The following ASMT variants were observed in gnomAD, a reference collection of about 807,000 sequenced individuals.
ASMT encodes acetylserotonin O-methyltransferase, also known as acetylserotonin N-methyltransferase.
ASMT carries 53 observed loss-of-function variants against 41.3 expected under a neutral mutation model. The observed-to-expected ratio is 1.28, with a 90% CI of 1.03 to 1.61. ASMT has a LOEUF of 1.61. ASMT is among the 40% of genes most tolerant of loss of function. The pLI, the probability that ASMT is intolerant of heterozygous loss-of-function variation, is 0.00. For missense variants in ASMT, 531 were observed against 441.3 expected (o/e 1.20, Z -1.82); for synonymous variants, 231 against 184.8 (o/e 1.25, Z -2.03).
Position 1,622,706 on chromosome X carries a change from G to C in ASMT, c.70-433G>C, listed in dbSNP as rs1387528826. ...AGGCTGGCAGATCACGAGGTCAGAA[G>C]TTCGAGACCAGCCTGGCCAACATGG... On this transcript the variant is annotated intron_variant, in intron 1 of 8. Coordinates refer to ENST00000381241, the MANE Select transcript of ASMT (RefSeq NM_001171038.2). Among the ~76,000 whole-genome samples the C allele has an allele frequency of 2.6e-5, 4 of 151,352 alleles. No individual in the cohort carries two copies. In the South Asian group the frequency reaches 8.4e-4, roughly 32 times the overall value.
intron 3 of ASMT, among the ~76,000 whole-genome samples, chrX:1,625,144 A>C (rs1358820326): frequency 7.2e-6 from 1 of 138,226 alleles, no homozygotes; most frequent in African/African-American, 2.8e-5. Flanking sequence ...TTGCTCTGTC[A>C]CCCAGGGTGG....
rs142044899 is a variant in ASMT at position 1,642,896 on chromosome X, C to T, written c.1004C>T (p.Thr335Met). ...QLYSLNMLVQTEGQERTPTHY... is the reference protein window; with the variant it reads ...QLYSLNMLVQMEGQERTPTHY... ...TACTCTCTGAACATGCTTGTGCAGACGGAAGGGCAGGAGAGGACCCCCACC... is the reference window on the plus strand; with the variant it reads ...TACTCTCTGAACATGCTTGTGCAGATGGAAGGGCAGGAGAGGACCCCCACC... Residue 335 changes from threonine to methionine, a missense_variant, in exon 9 of 9, where the codon ACG (threonine) becomes ATG (methionine). Coordinates refer to ENST00000381241, the MANE Select transcript of ASMT (RefSeq NM_001171038.2). The T allele has an allele frequency of 1.2e-4, 189 of 1,613,986 alleles. No individual in the cohort carries two copies. In the African/African-American group the frequency reaches 1.5e-3, roughly 13 times the overall value.
intron 1 of ASMT, among the ~76,000 whole-genome samples, chrX:1,620,093 AAAATAAAT>A (rs767892895): frequency 2.6e-5 from 4 of 151,150 alleles, no homozygotes; most frequent in Non-Finnish European, 4.4e-5. Flanking sequence ...ACTCCGTCTC[AAAATAAAT>A]AAATAAATAA....
In ASMT at chrX:1,632,771, C is replaced by G. The variant is rs758073107; in HGVS notation, c.630C>G (p.Arg210=). 1.1e-4 allele frequency: 39 copies of G among 359,972 alleles called. No individual in the cohort carries two copies. Among genetic ancestry groups the G allele is most frequent in the Non-Finnish European group, 1.7e-4 (33 of 189,848 alleles). The allele number at this position is 359,972 out of a possible 1,614,324, so 22.3% of individuals were successfully genotyped here. A position where few individuals can be genotyped will look rare whatever the true frequency, so the allele number is the denominator to read the frequency against. The part of the protein sequence containing the change: ...KLSQGQKTKH[R]VFSLIGGAGA... ...CGCAAGGACAGAAAACCAAACACCG[C>G]GTGTTCTCACTCATAGGTGGGAACT... Residue 210 remains arginine, a synonymous_variant, in exon 6 of 9, where the codon CGC becomes CGG. Transcript: ENST00000381241.
chrX:1,635,714 T>C (rs753710337), intron 7 of ASMT, among the ~76,000 whole-genome samples: 5 of 151,492 alleles, frequency 3.3e-5, no homozygotes, highest in African/African-American at 1.2e-4. Context: ...ATACAAAAAT[T>C]AGCCGGGCGT....
chrX:1,633,508 C>T (rs34767849), intron 7 of ASMT, among the ~76,000 whole-genome samples: 11,811 of 151,870 alleles, frequency 0.078, 465 homozygotes, highest in Middle Eastern at 0.088. Flanking sequence ...CAGAGTCTTG[C>T]TTTGTCGCCC....
At chrX:1,621,520 G>T (rs1372743094) in intron 1 of ASMT, among the ~76,000 whole-genome samples, 1 of 151,992 alleles carries the variant, frequency 6.6e-6, no homozygotes, top group African/African-American at 2.4e-5. Context: ...GTTTCACCAT[G>T]TTGGCCAGGT....
intron 4 of ASMT, among the ~76,000 whole-genome samples, chrX:1,628,545 G>C (rs369801100): frequency 3.9e-4 from 59 of 152,154 alleles, no homozygotes; most frequent in African/African-American, 1.3e-3. Flanking sequence ...TGAAGGACAA[G>C]GGGATGCCTG....
Position 1,637,266 on chromosome X carries a change from G to GC in ASMT, c.910+706_910+707insC, listed in dbSNP as rs1162871207. The stretch of plus-strand genomic sequence containing the variant: ...TGTGTGTGATGGGGACAGTGTCCCA[G>GC]TGTCCTGTGAGATCCATCCCTCCTG... On this transcript the variant is annotated intron_variant, in intron 8 of 8. Coordinates refer to ENST00000381241, the MANE Select transcript of ASMT (RefSeq NM_001171038.2). Among the ~76,000 whole-genome samples the GC allele has an allele frequency of 9.7e-4, 6 of 6,156 alleles. 3 individuals carry two copies. The highest frequency in any genetic ancestry group is 1.1e-3 in the Non-Finnish European group (4 of 3,574). 4.0% of individuals were successfully genotyped at this position (6,156 alleles called of 152,430 possible).
intron 2 of ASMT, among the ~76,000 whole-genome samples, chrX:1,623,553 C>G (rs1404227039): frequency 6.6e-6 from 1 of 152,076 alleles, no homozygotes; most frequent in Admixed American, 6.6e-5. Context: ...GAGCCGAGAT[C>G]GTGCCACTGC....
At chrX:1,641,461 CA>C (rs1935158161) in intron 8 of ASMT, among the ~76,000 whole-genome samples, 1 of 149,640 alleles carries the variant, frequency 6.7e-6, no homozygotes, top group African/African-American at 2.4e-5. Context: ...GACAGTGTCC[CA>C]GCTCTCCTGT....
rs1475386916 is a variant in ASMT at position 1,623,247 on chromosome X, A to C, written c.178A>C (p.Thr60Pro). The change falls in exon 2 of 9, where the codon ACA becomes CCA. Residue 60 changes from threonine to proline, a missense_variant. By Grantham distance (38) the Thr-to-Pro change is conservative. Transcript: ENST00000381241. ...AGGTGTGAGGGCCAGCGCCCATGGG[A>C]CAGAGCTCCTGCTGGACATCTGTGT... ...AAGVRASAHG[T>P]ELLLDICVSL... 6.2e-6 allele frequency: 10 copies of C among 1,613,694 alleles called. 1 individual carries two copies. In the Admixed American group the frequency reaches 1.7e-4, roughly 27 times the overall value.
intron 3 of ASMT, 34 bp from the exon 4 acceptor site, chrX:1,627,667 ATG>A (rs749695842): frequency 1.5e-6 from 2 of 1,329,476 alleles, no homozygotes; most frequent in South Asian, 2.3e-5. Context: ...ATGAAATGAA[ATG>A]AAATGAAAAT....
At chrX:1,626,920 T>G (rs1934569466) in intron 3 of ASMT, among the ~76,000 whole-genome samples, 1 of 151,082 alleles carries the variant, frequency 6.6e-6, no homozygotes, top group Non-Finnish European at 1.5e-5. Flanking sequence ...TCCCAGCTAC[T>G]CGGGAGGTTG....
intron 3 of ASMT, 80 bp downstream of exon 3, chrX:1,624,478 G>C: frequency 6.8e-7 from 1 of 1,462,090 alleles, no homozygotes; most frequent in East Asian, 2.4e-5. Flanking sequence ...CTGCCCCCAG[G>C]CAGATGCTGG....
At chrX:1,630,023 G>A (rs1280234776) in intron 5 of ASMT, 84 bp downstream of exon 5, 17 of 1,205,256 alleles carry the variant, frequency 1.4e-5, no homozygotes, top group East Asian at 1.2e-4. Flanking sequence ...TTTATTTTCT[G>A]CATTCTGATG....
chrX:1,619,134 G>A (rs1176282936), intron 1 of ASMT, among the ~76,000 whole-genome samples: 5 of 152,076 alleles, frequency 3.3e-5, no homozygotes, highest in East Asian at 3.9e-4. Context: ...AGTGGCTCAC[G>A]CCTGTAATCC....
intron 1 of ASMT, among the ~76,000 whole-genome samples, chrX:1,616,632 G>T (rs1472369406): frequency 1.3e-5 from 2 of 151,432 alleles, no homozygotes; most frequent in African/African-American, 2.4e-5. Flanking sequence ...CGGTTTGGGG[G>T]TCCGAAACGA....
intron 3 of ASMT, among the ~76,000 whole-genome samples, chrX:1,625,551 A>AGGGAGGGAAAGAGG (rs1556100692): frequency 1.5e-5 from 1 of 65,288 alleles, no homozygotes; most frequent in African/African-American, 5.8e-5. Context: ...GAAGGGAGGG[A>AGGGAGGGAAAGAGG]GGGAGGGAGG....
Sources: gnomAD v4.1 joint callset for allele counts (sites outside exome capture counted in the v4.1 genomes callset) on GRCh38, gnomAD v4.1.1 for gene constraint, MANE v1.5 for transcripts, NCBI Gene and HGNC (gene_info 2026-07-23, HGNC 2026-07-21) for gene names.